The following TRMT9B variants were observed in gnomAD, a reference collection of about 807,000 sequenced individuals.
The protein encoded by TRMT9B is tRNA methyltransferase 9B (putative).
Under a neutral mutation model 11.5 loss-of-function variants are expected in TRMT9B, and 16 were observed. The observed-to-expected ratio is 1.39, with a 90% CI of 0.94 to 2.11. The LOEUF (loss-of-function observed/expected upper bound fraction) is 2.11. TRMT9B is among the 30% of genes most tolerant of loss of function. TRMT9B has a pLI of 0.00. For missense variants in TRMT9B, 941 were observed against 553.8 expected (o/e 1.70, Z -7.02); for synonymous variants, 274 against 192.4 (o/e 1.42, Z -3.51).
At chr8:13,018,996 T>G (rs1164613769) in intron 4 of TRMT9B, among the ~76,000 whole-genome samples, 1 of 152,186 alleles carries the variant, frequency 6.6e-6, no homozygotes, top group Non-Finnish European at 1.5e-5. Flanking sequence ...GAAAGAACAT[T>G]ACTTTGTTTC....
chr8:13,021,864 C>T lies in TRMT9B; in HGVS notation c.1185C>T (p.Val395=), dbSNP rs769911796. The T allele has an allele frequency of 5.0e-6, 8 of 1,613,792 alleles. No homozygotes were observed. Among genetic ancestry groups the T allele is most frequent in the South Asian group, 4.4e-5 (4 of 91,064 alleles). ...TCAACCCAGATGATACAATGTCTGT[C>T]GAAGATCCACAGACTGATGTTTTGG... ...TDFNPDDTMS[V]EDPQTDVLDS... Residue 395 remains valine, a synonymous_variant, in exon 5 of 5, where the codon GTC becomes GTT. Coordinates refer to ENST00000524591, the MANE Select transcript of TRMT9B (RefSeq NM_020844.3).
chr8:13,021,646 T>A lies in TRMT9B; in HGVS notation c.967T>A (p.Trp323Arg). Residue 323 changes from tryptophan to arginine, a missense_variant, in exon 5 of 5, where the codon TGG (tryptophan) becomes AGG (arginine). By Grantham distance (101) the Trp-to-Arg change is moderately radical (BLOSUM62 -3). Coordinates refer to ENST00000524591, the MANE Select transcript of TRMT9B (RefSeq NM_020844.3). ...VESSSGKHLE[W>R]LRAPGTLKHL... ...ATCTTCTTCTGGAAAACACTTGGAG[T>A]GGCTGAGAGCACCAGGCACTCTGAA... The A allele has an allele frequency of 6.2e-7, 1 of 1,613,462 alleles. No homozygotes were observed. The highest frequency in any genetic ancestry group is 8.5e-7 in the Non-Finnish European group (1 of 1,179,664).
chr8:12,969,869 T>G (rs79769758), intron 1 of TRMT9B: 4 of 142,912 alleles, frequency 2.8e-5, no homozygotes, highest in South Asian at 4.3e-4. Context: ...TTTTTTTTTG[T>G]AGACACATGG....
At chr8:13,004,806 T>C (rs140275821) in intron 2 of TRMT9B, among the ~76,000 whole-genome samples, 113 of 152,190 alleles carry the variant, frequency 7.4e-4, no homozygotes, top group African/African-American at 2.4e-3. Context: ...AAGGGGACTT[T>C]GCCTTGCACA....
At position 13,026,569 on chromosome 8, in the gene TRMT9B, A is replaced by T. The variant is rs562564266; in HGVS notation, c.*4525A>T. ...AGAGTAATAAAGGATTTTTGTTTTT[A>T]AAAAAAGCAACGTTCATTAATTTAT... On this transcript the variant is annotated 3_prime_UTR_variant, in exon 5 of 5. Transcript: ENST00000524591. The T allele has an allele frequency of 3.5e-4, 58 of 167,240 alleles. No individual in the cohort carries two copies. The highest frequency in any genetic ancestry group is 9.8e-4 in the Admixed American group (15 of 15,304). 10.4% of individuals were successfully genotyped at this position (167,240 alleles called of 1,614,324 possible). A position where few individuals can be genotyped will look rare whatever the true frequency, so the allele number is the denominator to read the frequency against.
intron 1 of TRMT9B, among the ~76,000 whole-genome samples, chr8:12,969,620 T>C (rs1385836192): frequency 6.6e-6 from 1 of 152,094 alleles, no homozygotes; most frequent in Non-Finnish European, 1.5e-5. Flanking sequence ...TATTTTTTAT[T>C]TTTTCCTAAT....
chr8:12,966,005 T>C (rs1234572580), intron 1 of TRMT9B, among the ~76,000 whole-genome samples: 39 of 147,948 alleles, frequency 2.6e-4, no homozygotes, highest in Non-Finnish European at 5.8e-4. Context: ...AGAGCAAGAC[T>C]CTGTCTCAAA....
At position 13,027,427 on chromosome 8, in the gene TRMT9B, C is replaced by T. The variant is rs538770358; in HGVS notation, c.*5383C>T. The stretch of plus-strand genomic sequence containing the variant: ...ATCTAGCTTACCCTAGACGTATTAA[C>T]ATCCTATAGCGCACGTGTTCTGTGG... On this transcript the variant is annotated 3_prime_UTR_variant, in exon 5 of 5. Coordinates refer to ENST00000524591, the MANE Select transcript of TRMT9B (RefSeq NM_020844.3). The T allele has an allele frequency of 1.2e-5, 2 of 167,092 alleles. No homozygotes were observed. The highest frequency in any genetic ancestry group is 2.4e-5 in the African/African-American group (1 of 41,446). 10.4% of individuals were successfully genotyped at this position (167,092 alleles called of 1,614,324 possible).
At chr8:13,015,486 G>A (rs1276850818) in intron 4 of TRMT9B, among the ~76,000 whole-genome samples, 1 of 151,918 alleles carries the variant, frequency 6.6e-6, no homozygotes, top group Non-Finnish European at 1.5e-5. Context: ...CAAGTAGCTG[G>A]GACTACAAGC....
chr8:12,969,923 A>G (rs991661514), intron 1 of TRMT9B: 3 of 145,084 alleles, frequency 2.1e-5, no homozygotes, highest in African/African-American at 7.7e-5. Context: ...ACCTCAAGCC[A>G]TCCTCCCACC....
chr8:12,965,691 A>G (rs973270032), intron 1 of TRMT9B, among the ~76,000 whole-genome samples: 1 of 151,992 alleles, frequency 6.6e-6, no homozygotes, highest in Non-Finnish European at 1.5e-5. Flanking sequence ...GACAGGCACA[A>G]TGAGAGTGAG....
chr8:13,006,096 A>G, intron 2 of TRMT9B, 106 bp from the exon 3 acceptor site: 3 of 1,004,472 alleles, frequency 3.0e-6, no homozygotes. Flanking sequence ...AAACAGCATG[A>G]GTTTGCAGTT....
chr8:13,011,029 G>T (rs1368795176), intron 3 of TRMT9B: 2 of 702,038 alleles, frequency 2.8e-6, no homozygotes, highest in Non-Finnish European at 3.5e-6. Context: ...TCATCACCTA[G>T]GCTGGAGTGA....
chr8:12,970,873 A>C (rs1423862677), intron 1 of TRMT9B, among the ~76,000 whole-genome samples: 1 of 152,194 alleles, frequency 6.6e-6, no homozygotes, highest in East Asian at 1.9e-4. Context: ...ATTGGCTGCC[A>C]ATGCTCGAAA....
At chr8:13,005,085 C>CAAAAAA (rs1223540759) in intron 2 of TRMT9B, among the ~76,000 whole-genome samples, 2 of 87,688 alleles carry the variant, frequency 2.3e-5, no homozygotes, top group African/African-American at 8.8e-5. Flanking sequence ...GACTGCATCT[C>CAAAAAA]AAAAAAAAAA....
At chr8:12,980,616 T>G (rs1344140515) in intron 1 of TRMT9B, among the ~76,000 whole-genome samples, 1 of 152,030 alleles carries the variant, frequency 6.6e-6, no homozygotes, top group Non-Finnish European at 1.5e-5. Flanking sequence ...AAACCAAGAT[T>G]GCAATCACAG....
chr8:13,012,624 A>G, intron 3 of TRMT9B, 60 bp from the exon 4 acceptor site: 1 of 1,515,476 alleles, frequency 6.6e-7, no homozygotes, highest in Non-Finnish European at 8.9e-7. Context: ...TTATGAGACA[A>G]ATGAAGTATT....
intron 2 of TRMT9B, among the ~76,000 whole-genome samples, chr8:12,995,354 C>G (rs914251855): frequency 8.5e-5 from 13 of 152,058 alleles, no homozygotes; most frequent in African/African-American, 3.1e-4. Flanking sequence ...AGTTTGAGTG[C>G]TAATTGGAGT....
intron 2 of TRMT9B, among the ~76,000 whole-genome samples, chr8:13,005,693 T>G (rs1810333820): frequency 6.6e-6 from 1 of 152,200 alleles, no homozygotes; most frequent in African/African-American, 2.4e-5. Context: ...TTGCCAGCTG[T>G]TGAAGTAATT....
Sources: gnomAD v4.1 joint callset for allele counts (sites outside exome capture counted in the v4.1 genomes callset) on GRCh38, gnomAD v4.1.1 for gene constraint, MANE v1.5 for transcripts, NCBI Gene and HGNC (gene_info 2026-07-23, HGNC 2026-07-21) for gene names.